The following GALNT17 variants were observed in gnomAD, a reference collection of about 807,000 sequenced individuals.
GALNT17 encodes the protein polypeptide N-acetylgalactosaminyltransferase 17.
In GALNT17, 29 loss-of-function variants were observed where a neutral mutation model predicts 63.7. The ratio of observed to expected loss-of-function variants is 0.46; its 90% CI spans 0.34 to 0.62. The LOEUF (loss-of-function observed/expected upper bound fraction) is 0.62, where lower values mean the gene tolerates loss of function less well. Ranked by LOEUF, GALNT17 falls within the 20% of genes least tolerant of loss-of-function variation. The probability of loss-of-function intolerance (pLI) is 0.01; values close to 1 mark genes in which losing one functional copy is unlikely to be tolerated. For synonymous variants in GALNT17, 305 were observed against 318.3 expected (o/e 0.96, Z 0.45); for missense variants, 603 against 799.6 (o/e 0.75, Z 2.97).
intron 1 of GALNT17, among the ~76,000 whole-genome samples, chr7:71,289,561 C>T (rs1471269212): frequency 1.3e-5 from 2 of 151,682 alleles, no homozygotes; most frequent in African/African-American, 4.8e-5. Flanking sequence ...CATGGTGAAA[C>T]CCCATCTCTA....
In GALNT17 at chr7:71,147,792, C is replaced by T. The variant is rs562558433; in HGVS notation, c.238+14752C>T. On this transcript the variant is annotated intron_variant, in intron 1 of 10. Coordinates refer to ENST00000333538, the MANE Select transcript of GALNT17 (RefSeq NM_022479.3). ...GACTACAAGAGTGCACCACCACACC[C>T]GGCTAATTTTTTGTATTTTTAGTAG... Among the ~76,000 whole-genome samples the T allele has an allele frequency of 1.8e-4, 28 of 152,140 alleles. No homozygotes were observed. The South Asian group carries it at 2.7e-3, about 15-fold the overall frequency.
intron 7 of GALNT17, among the ~76,000 whole-genome samples, chr7:71,666,176 G>C (rs1364522733): frequency 1.3e-5 from 2 of 151,910 alleles, no homozygotes; most frequent in Non-Finnish European, 2.9e-5. Context: ...CATCTTCTCT[G>C]TACCATTCAT....
At chr7:71,303,376 A>G (rs1321658127) in intron 1 of GALNT17, among the ~76,000 whole-genome samples, 2 of 151,948 alleles carry the variant, frequency 1.3e-5, no homozygotes, top group African/African-American at 4.8e-5. Flanking sequence ...GCTGGTATTT[A>G]TATCTTATAT....
chr7:71,162,798 C>T (rs1788372570), intron 1 of GALNT17, among the ~76,000 whole-genome samples: 1 of 152,170 alleles, frequency 6.6e-6, no homozygotes, highest in African/African-American at 2.4e-5. Context: ...ACCCAGCTGC[C>T]AGAGACAGCT....
intron 3 of GALNT17, among the ~76,000 whole-genome samples, chr7:71,394,040 A>C (rs1306126908): frequency 6.6e-6 from 1 of 152,082 alleles, no homozygotes; most frequent in Non-Finnish European, 1.5e-5. Flanking sequence ...TTCTTAGTCC[A>C]TTTGTCTTTC....
chr7:71,468,453 G>A (rs1787573734), intron 5 of GALNT17, among the ~76,000 whole-genome samples: 1 of 151,556 alleles, frequency 6.6e-6, no homozygotes, highest in Admixed American at 6.6e-5. Flanking sequence ...GTCTCATTCT[G>A]TTGCCCAGGC....
rs146142639 is a variant in GALNT17, at chr7:71,465,587, C to T, written c.962+44482C>T. On this transcript the variant is annotated intron_variant, in intron 5 of 10. Coordinates refer to ENST00000333538, the MANE Select transcript of GALNT17 (RefSeq NM_022479.3). ...CATGGGAAGCCACAGAAGAATGTGGCGGAAGCTTCCCTCCCAGCCCGATCT... is the reference window on the plus strand; with the variant it reads ...CATGGGAAGCCACAGAAGAATGTGGTGGAAGCTTCCCTCCCAGCCCGATCT... Among the ~76,000 whole-genome samples, 692 of 152,228 alleles carry T rather than the reference C, an allele frequency of 4.5e-3. 3 individuals carry two copies. The highest frequency in any genetic ancestry group is 7.2e-3 in the Non-Finnish European group (492 of 68,014).
At chr7:71,390,627 C>CT (rs1793032797) in intron 3 of GALNT17, among the ~76,000 whole-genome samples, 1 of 152,172 alleles carries the variant, frequency 6.6e-6, no homozygotes, top group South Asian at 2.1e-4. Flanking sequence ...TTCTCTGCAC[C>CT]TACCACAGAC....
At chr7:71,684,597 T>G (rs1791322954) in intron 9 of GALNT17, among the ~76,000 whole-genome samples, 1 of 152,152 alleles carries the variant, frequency 6.6e-6, no homozygotes, top group Non-Finnish European at 1.5e-5. Context: ...CCATATCTGT[T>G]TTTGGTGACA....
intron 5 of GALNT17, among the ~76,000 whole-genome samples, chr7:71,511,875 T>C (rs999229511): frequency 6.6e-6 from 1 of 152,108 alleles, no homozygotes; most frequent in Non-Finnish European, 1.5e-5. Flanking sequence ...CTGCTAGACA[T>C]TTCTGGTAGT....
chr7:71,596,185 C>T (rs554537479), intron 6 of GALNT17, among the ~76,000 whole-genome samples: 26 of 152,166 alleles, frequency 1.7e-4, no homozygotes, highest in Admixed American at 1.1e-3. Context: ...ATTACAGGTG[C>T]CCACCACCAC....
At chr7:71,238,798 T>C (rs538235757) in intron 1 of GALNT17, among the ~76,000 whole-genome samples, 77 of 152,300 alleles carry the variant, frequency 5.1e-4, no homozygotes, top group Admixed American at 1.6e-3. Context: ...TGGGACCTAT[T>C]GACTCATTCT....
intron 5 of GALNT17, among the ~76,000 whole-genome samples, chr7:71,446,420 CATT>C (rs1049545919): frequency 1.3e-5 from 2 of 152,126 alleles, no homozygotes; most frequent in East Asian, 1.9e-4. Flanking sequence ...TAATATTTCA[CATT>C]ATTTTTTACT....
At chr7:71,554,409 C>T (rs1238986481) in intron 5 of GALNT17, among the ~76,000 whole-genome samples, 2 of 152,188 alleles carry the variant, frequency 1.3e-5, no homozygotes, top group Non-Finnish European at 2.9e-5. Context: ...CCTCCCAAGC[C>T]ATGTGGACTG....
intron 1 of GALNT17, among the ~76,000 whole-genome samples, chr7:71,255,010 G>T (rs1445129060): frequency 6.6e-6 from 1 of 152,234 alleles, no homozygotes; most frequent in Non-Finnish European, 1.5e-5. Context: ...TGTGAGAGGC[G>T]ATGTCAGGGA....
chr7:71,451,185 G>A (rs1490773817), intron 5 of GALNT17, among the ~76,000 whole-genome samples: 1 of 151,962 alleles, frequency 6.6e-6, no homozygotes, highest in Non-Finnish European at 1.5e-5. Context: ...GTGGTGTTTG[G>A]TTTTTTGTCC....
At chr7:71,654,206 G>C (rs1334536537) in intron 6 of GALNT17, among the ~76,000 whole-genome samples, 1 of 151,972 alleles carries the variant, frequency 6.6e-6, no homozygotes, top group South Asian at 2.1e-4. Flanking sequence ...TAGTAGAGAC[G>C]GGGTTTCACC....
chr7:71,255,549 C>G (rs537430354), intron 1 of GALNT17, among the ~76,000 whole-genome samples: 9 of 152,200 alleles, frequency 5.9e-5, no homozygotes, highest in Non-Finnish European at 1.2e-4. Flanking sequence ...CTTCTGCCTC[C>G]CCTGAAGGAG....
chr7:71,384,869 C>T (rs1792911503), intron 2 of GALNT17, among the ~76,000 whole-genome samples: 2 of 152,306 alleles, frequency 1.3e-5, no homozygotes, highest in Admixed American at 6.5e-5. Context: ...CATTCAGATC[C>T]AGCCTGGAGC....
Sources: gnomAD v4.1 joint callset for allele counts (sites outside exome capture counted in the v4.1 genomes callset) on GRCh38, gnomAD v4.1.1 for gene constraint, MANE v1.5 for transcripts, NCBI Gene and HGNC (gene_info 2026-07-23, HGNC 2026-07-21) for gene names.